Variants in CPAMD8 observed in about 807,000 individuals in gnomAD.
The protein encoded by CPAMD8 is C3 and PZP like alpha-2-macroglobulin domain containing 8, also known as C3 and PZP-like alpha-2-macroglobulin domain-containing protein 8.
CPAMD8 carries 146 observed loss-of-function variants against 224.7 expected under a neutral mutation model. That is an observed-to-expected ratio of 0.65 (90% CI 0.57 to 0.75). CPAMD8 has a LOEUF of 0.75. Among genes scored for constraint, CPAMD8 ranks in the 30% least tolerant of loss-of-function variants. CPAMD8 has a pLI of 0.00. For missense variants in CPAMD8, 2,301 were observed against 2,537.5 expected, an observed-to-expected ratio of 0.91 and a Z score of 2.00; for synonymous variants, 966 against 1,044.6, an observed-to-expected ratio of 0.92 and a Z score of 1.45.
chr19:16,893,238 T>C lies in CPAMD8; in HGVS notation c.5528A>G (p.Gln1843Arg), dbSNP rs1054533. The stretch of plus-strand genomic sequence containing the variant: ...CCCCACCACCCGGCCACTATGTCTC[T>C]GAGGGGCCGGAGTCTGGCCCCATCT... Reference protein sequence around the residue: ...FHRWGQTPAPQRHSGRVVGAH... With the variant: ...FHRWGQTPAPRRHSGRVVGAH... Residue 1843 changes from glutamine to arginine, a missense_variant, in exon 42 of 42, where the codon CAG (glutamine) becomes CGG (arginine). By Grantham distance (43) the Gln-to-Arg change is conservative. Coordinates refer to ENST00000443236, the MANE Select transcript of CPAMD8 (RefSeq NM_015692.5). 0.32 allele frequency: 507,029 copies of C among 1,578,602 alleles called. 84,483 individuals carry two copies. Among genetic ancestry groups the C allele is most frequent in the Non-Finnish European group, 0.34 (399,558 of 1,160,760 alleles).
chr19:17,016,345 G>T (rs533905348), intron 3 of CPAMD8, among the ~76,000 whole-genome samples: 1 of 152,268 alleles, frequency 6.6e-6, no homozygotes, highest in East Asian at 1.9e-4. Context: ...ACAACCCTTT[G>T]TTAGTCTCTC....
rs35096930 is a variant in CPAMD8 at position 16,898,144 on chromosome 19, C to CTTT, written c.4849-153_4849-151dup. ...CATTTTCTTTTTTTCTTTTACTTTT[C>CTTT]TTTTTTTTTTTTTTTCCTGAGACAG... On this transcript the variant is annotated intron_variant, in intron 37 of 41. Transcript: ENST00000443236. This position sits in a 1 kb window ranked among gnomAD's most constrained non-coding sequence, Gnocchi z 4.2. 765 of 524,996 alleles carry CTTT rather than the reference C, an allele frequency of 1.5e-3. No individual in the cohort carries two copies. The highest frequency in any genetic ancestry group is 2.0e-3 in the Middle Eastern group (4 of 2,024). The allele number at this position is 524,996 out of a possible 1,614,324, so 32.5% of individuals were successfully genotyped here.
chr19:16,979,052 TATCC>T (rs1275443961), intron 14 of CPAMD8, among the ~76,000 whole-genome samples: 1 of 143,222 alleles, frequency 7.0e-6, no homozygotes, highest in Non-Finnish European at 1.5e-5. Context: ...CCCACCCCAC[TATCC>T]ATCCATCTAT....
chr19:16,974,753 G>A (rs1257395932), intron 17 of CPAMD8, among the ~76,000 whole-genome samples: 3 of 152,200 alleles, frequency 2.0e-5, no homozygotes, highest in Non-Finnish European at 2.9e-5. Context: ...GATTGCTTGA[G>A]GCCAGGAGTT....
Position 16,997,319 on chromosome 19 carries a change from A to C in CPAMD8, c.887T>G (p.Phe296Cys). 1.3e-6 allele frequency: 2 copies of C among 1,580,356 alleles called. No homozygotes were observed. Among genetic ancestry groups the C allele is most frequent in the Non-Finnish European group, 8.6e-7 (1 of 1,158,250 alleles). ...RTTKILGSRD[F>C]DICVRDMIPA... The stretch of plus-strand genomic sequence containing the variant: ...GATCATGTCCCTCACGCAGATGTCG[A>C]AGTCCCGGGAGCCGAGGATCTGGAG... The change falls in exon 11 of 42, where the codon TTC (phenylalanine) becomes TGC (cysteine). Residue 296 changes from phenylalanine (F) to cysteine (C), a missense_variant. This residue lies in a region of CPAMD8 where 301 missense variants were observed against 406.6 expected (regional missense o/e 0.74). Coordinates refer to ENST00000443236, the MANE Select transcript of CPAMD8 (RefSeq NM_015692.5).
chr19:17,006,350 T>C (rs899130451), intron 7 of CPAMD8, among the ~76,000 whole-genome samples: 1 of 152,174 alleles, frequency 6.6e-6, no homozygotes, highest in Non-Finnish European at 1.5e-5. Flanking sequence ...CTTGAGACCC[T>C]GTCTCTACCA....
Position 17,020,222 on chromosome 19 carries a change from C to T in CPAMD8, c.267+109G>A. 10 of 821,968 alleles carry T rather than the reference C, an allele frequency of 1.2e-5. No homozygotes were observed. In the South Asian group the frequency reaches 1.4e-4, roughly 11 times the overall value. 50.9% of individuals were successfully genotyped at this position (821,968 alleles called of 1,614,324 possible). A position where few individuals can be genotyped will look rare whatever the true frequency, so the allele number is the denominator to read the frequency against. On this transcript the variant is annotated intron_variant, in intron 3 of 41. Coordinates refer to ENST00000443236, the MANE Select transcript of CPAMD8 (RefSeq NM_015692.5). ...CTCCTGACCTCAGGTGATCCACCCA[C>T]CTCGGCCTTCCAAAGTGCTGGGATT...
At chr19:17,001,902 G>A (rs920286643) in intron 9 of CPAMD8, among the ~76,000 whole-genome samples, 5 of 151,676 alleles carry the variant, frequency 3.3e-5, no homozygotes, top group Admixed American at 2.0e-4. Context: ...ATGCTCTAGC[G>A]GGTGGCCACA....
At chr19:17,002,415 C>T (rs1422128150) in intron 8 of CPAMD8, 65 bp from the exon 9 acceptor site, 4 of 1,107,412 alleles carry the variant, frequency 3.6e-6, no homozygotes, top group Non-Finnish European at 5.4e-6. Flanking sequence ...GGAGCCCTGA[C>T]ACCGGTGCAA....
At chr19:16,936,388 C>T (rs1457898610) in intron 23 of CPAMD8, among the ~76,000 whole-genome samples, 3 of 151,820 alleles carry the variant, frequency 2.0e-5, no homozygotes, top group East Asian at 1.9e-4. Flanking sequence ...TTCTTTTGCC[C>T]ACTTTTTTGT....
chr19:16,960,347 G>C (rs1308520521), intron 18 of CPAMD8, among the ~76,000 whole-genome samples: 1 of 152,170 alleles, frequency 6.6e-6, no homozygotes, highest in African/African-American at 2.4e-5. Flanking sequence ...AGATGGAGTG[G>C]TTCATCGTGG....
At chr19:16,894,857 T>C (rs2051896555) in intron 41 of CPAMD8, 1 of 241,016 alleles carries the variant, frequency 4.1e-6, no homozygotes, top group East Asian at 9.0e-5. Context: ...CAGTGCACAA[T>C]GATCATGTCT....
At chr19:16,967,391 T>C (rs974455847) in intron 18 of CPAMD8, among the ~76,000 whole-genome samples, 5 of 151,868 alleles carry the variant, frequency 3.3e-5, no homozygotes, top group African/African-American at 4.8e-5. Flanking sequence ...CTAATGTAAA[T>C]GATGAGTTGA....
intron 3 of CPAMD8, among the ~76,000 whole-genome samples, chr19:17,014,329 G>A (rs1162566546): frequency 6.6e-6 from 1 of 152,054 alleles, no homozygotes; most frequent in Non-Finnish European, 1.5e-5. Flanking sequence ...AAAGTGCTGG[G>A]ATTACAGGTG....
intron 13 of CPAMD8, among the ~76,000 whole-genome samples, chr19:16,986,385 G>A (rs1169528022): frequency 6.6e-6 from 1 of 152,096 alleles, no homozygotes; most frequent in African/African-American, 2.4e-5. Flanking sequence ...GACAGAGCCA[G>A]GTCTCCCCCT....
intron 22 of CPAMD8, among the ~76,000 whole-genome samples, chr19:16,940,223 T>C (rs2053841257): frequency 6.6e-6 from 1 of 152,246 alleles, no homozygotes; most frequent in African/African-American, 2.4e-5. Flanking sequence ...CCTGGGTCTC[T>C]ATCTTGCAGA....
intron 13 of CPAMD8, among the ~76,000 whole-genome samples, chr19:16,987,960 G>A (rs568502761): frequency 5.1e-4 from 78 of 152,096 alleles, no homozygotes; most frequent in African/African-American, 1.6e-3. Context: ...CACCACGCCC[G>A]GTCGGGAACT....
At chr19:16,903,957 G>T in intron 32 of CPAMD8, 100 bp from the exon 33 acceptor site, 1 of 1,239,492 alleles carries the variant, frequency 8.1e-7, no homozygotes, top group South Asian at 1.4e-5. Flanking sequence ...AGGCACCAAC[G>T]GGGCTGGAAT....
chr19:16,908,338 G>A (rs1267116841), intron 29 of CPAMD8, among the ~76,000 whole-genome samples: 1 of 149,036 alleles, frequency 6.7e-6, no homozygotes, highest in African/African-American at 2.5e-5. Context: ...ACTCCAGCCT[G>A]GGCAACAGAG....
Sources: gnomAD v4.1 joint callset for allele counts (sites outside exome capture counted in the v4.1 genomes callset) on GRCh38, gnomAD v4.1.1 for gene constraint, gnomAD v4.1.1 regional missense constraint, Gnocchi (gnomAD v3.1) non-coding constraint, MANE v1.5 for transcripts, NCBI Gene and HGNC (gene_info 2026-07-23, HGNC 2026-07-21) for gene names.